PLXNA4: variants seen among roughly 807,000 people sequenced by gnomAD.
PLXNA4 encodes the protein plexin-A4.
PLXNA4 carries 44 observed loss-of-function variants against 191.8 expected under a neutral mutation model. The ratio of observed to expected loss-of-function variants is 0.23; its 90% CI spans 0.18 to 0.29. The LOEUF (loss-of-function observed/expected upper bound fraction) is 0.29, where lower values mean the gene tolerates loss of function less well. PLXNA4 is among the 10% of genes least tolerant of loss of function. PLXNA4 has a pLI of 1.00. For missense variants in PLXNA4, 1,800 were observed against 2,488.8 expected (o/e 0.72, Z 5.89); for synonymous variants, 1,082 against 1,009.5 (o/e 1.07, Z -1.36).
At chr7:132,232,021 A>G (rs1798540774) in intron 5 of PLXNA4, among the ~76,000 whole-genome samples, 1 of 152,200 alleles carries the variant, frequency 6.6e-6, no homozygotes, top group Admixed American at 6.5e-5. Context: ...GTCCAAAAGC[A>G]CAGACAATTG....
chr7:132,449,029 T>C (rs1267289171), intron 3 of PLXNA4, among the ~76,000 whole-genome samples: 1 of 152,114 alleles, frequency 6.6e-6, no homozygotes, highest in Non-Finnish European at 1.5e-5. Flanking sequence ...TGAATTGAAT[T>C]GGATTGGTGG....
At chr7:132,618,808 A>G (rs1488443786) in intron 2 of PLXNA4, among the ~76,000 whole-genome samples, 4 of 152,244 alleles carry the variant, frequency 2.6e-5, no homozygotes, top group Non-Finnish European at 4.4e-5. Flanking sequence ...TATCATATAC[A>G]TGAAATATAT....
chr7:132,613,057 C>T (rs1363240258), intron 2 of PLXNA4, among the ~76,000 whole-genome samples: 1 of 152,150 alleles, frequency 6.6e-6, no homozygotes, highest in Non-Finnish European at 1.5e-5. Context: ...GTCCTTGACG[C>T]TTCTGAAGTT....
At chr7:132,613,272 G>C (rs920993283) in intron 2 of PLXNA4, among the ~76,000 whole-genome samples, 2 of 152,080 alleles carry the variant, frequency 1.3e-5, no homozygotes, top group Non-Finnish European at 2.9e-5. Flanking sequence ...CCTCTGCTCT[G>C]TACATAGCTG....
intron 4 of PLXNA4, among the ~76,000 whole-genome samples, chr7:132,252,631 C>T (rs1400412970): frequency 3.3e-5 from 5 of 152,134 alleles, no homozygotes; most frequent in Non-Finnish European, 7.4e-5. Flanking sequence ...TATGCACTGT[C>T]GGTGAGTGTT....
At chr7:132,620,943 G>A (rs1015155955) in intron 2 of PLXNA4, among the ~76,000 whole-genome samples, 6 of 152,134 alleles carry the variant, frequency 3.9e-5, no homozygotes, top group East Asian at 1.9e-4. Flanking sequence ...TTCTTGGTTT[G>A]CAGATGGCCT....
chr7:132,458,755 C>T (rs1157294522), intron 3 of PLXNA4, among the ~76,000 whole-genome samples: 2 of 151,944 alleles, frequency 1.3e-5, no homozygotes, highest in African/African-American at 2.4e-5. Flanking sequence ...TGAAAACTCA[C>T]CAAGATGTAC....
chr7:132,374,945 T>C (rs1462060414), intron 3 of PLXNA4, among the ~76,000 whole-genome samples: 1 of 152,214 alleles, frequency 6.6e-6, no homozygotes, highest in East Asian at 1.9e-4. Context: ...TGTGTTCTTT[T>C]CAAGGTGTCA....
intron 5 of PLXNA4, among the ~76,000 whole-genome samples, chr7:132,234,289 G>T (rs1279548898): frequency 6.6e-6 from 1 of 152,200 alleles, no homozygotes; most frequent in Non-Finnish European, 1.5e-5. Context: ...GTGTCTTCAT[G>T]TCCATTAACG....
At chr7:132,139,703 G>A (rs1157014158) in intron 30 of PLXNA4, among the ~76,000 whole-genome samples, 4 of 152,344 alleles carry the variant, frequency 2.6e-5, no homozygotes, top group South Asian at 4.1e-4. Context: ...TGAAAGTAAC[G>A]CAAATAAGTA....
At chr7:132,455,629 G>A (rs1796285902) in intron 3 of PLXNA4, among the ~76,000 whole-genome samples, 1 of 152,122 alleles carries the variant, frequency 6.6e-6, no homozygotes, top group African/African-American at 2.4e-5. Context: ...AGAATCCTCC[G>A]TTTGCATTCT....
At chr7:132,330,032 G>C (rs758078394) in intron 3 of PLXNA4, among the ~76,000 whole-genome samples, 4 of 152,218 alleles carry the variant, frequency 2.6e-5, no homozygotes, top group African/African-American at 4.8e-5. Context: ...CTGAAATCCA[G>C]AAAGTGCCAC....
At chr7:132,551,885 C>G (rs1216968140) in intron 1 of PLXNA4, among the ~76,000 whole-genome samples, 1 of 152,126 alleles carries the variant, frequency 6.6e-6, no homozygotes, top group African/African-American at 2.4e-5. Context: ...CGGTGTCACT[C>G]TCCTTTAAAT....
At chr7:132,575,615 A>T (rs1802190134) in intron 1 of PLXNA4, among the ~76,000 whole-genome samples, 1 of 152,148 alleles carries the variant, frequency 6.6e-6, no homozygotes, top group Admixed American at 6.5e-5. Context: ...TGTGTCTCCA[A>T]GTCCTGTCTG....
intron 4 of PLXNA4, among the ~76,000 whole-genome samples, chr7:132,241,657 G>A (rs1463698829): frequency 6.6e-6 from 1 of 152,092 alleles, no homozygotes; most frequent in Non-Finnish European, 1.5e-5. Context: ...TTTAGTCTGA[G>A]ACCAAGACCC....
chr7:132,343,193 C>T (rs1020674531), intron 3 of PLXNA4, among the ~76,000 whole-genome samples: 6 of 152,068 alleles, frequency 3.9e-5, no homozygotes, highest in Admixed American at 1.3e-4. Flanking sequence ...GGGTGAGATC[C>T]TTCCATGGAA....
intron 9 of PLXNA4, among the ~76,000 whole-genome samples, chr7:132,211,972 C>A (rs1023846385): frequency 5.3e-5 from 8 of 152,144 alleles, no homozygotes; most frequent in African/African-American, 1.9e-4. Context: ...GTGGTAGGAG[C>A]TGGTGTGTTG....
chr7:132,376,651 G>T (rs1018098974), intron 3 of PLXNA4, among the ~76,000 whole-genome samples: 1 of 152,230 alleles, frequency 6.6e-6, no homozygotes, highest in East Asian at 1.9e-4. Context: ...CAGGAGAGAA[G>T]GCCTTCCCAG....
chr7:132,551,049 C>T (rs146942602), intron 1 of PLXNA4, among the ~76,000 whole-genome samples: 5 of 152,334 alleles, frequency 3.3e-5, no homozygotes, highest in South Asian at 4.1e-4. Flanking sequence ...GGGCCTCTGC[C>T]TTCCCTTCCA....
Sources: gnomAD v4.1 joint callset for allele counts (sites outside exome capture counted in the v4.1 genomes callset) on GRCh38, gnomAD v4.1.1 for gene constraint, MANE v1.5 for transcripts, NCBI Gene and HGNC (gene_info 2026-07-23, HGNC 2026-07-21) for gene names.